Variants in MAD1L1 observed in about 807,000 individuals in gnomAD.
The protein encoded by MAD1L1 is mitotic spindle assembly checkpoint protein MAD1.
Under a neutral mutation model 96.9 loss-of-function variants are expected in MAD1L1, and 95 were observed. That is an observed-to-expected ratio of 0.98 (90% CI 0.83 to 1.16). The LOEUF is 1.16. MAD1L1 is among the 50% of genes most tolerant of loss of function. MAD1L1 has a pLI of 0.00. For missense variants in MAD1L1, 1,007 were observed against 954.4 expected (o/e 1.06, Z -0.73); for synonymous variants, 473 against 396.6 (o/e 1.19, Z -2.29).
chr7:1,840,601 C>G (rs965985081), intron 18 of MAD1L1, among the ~76,000 whole-genome samples: 1 of 152,160 alleles, frequency 6.6e-6, no homozygotes, highest in Admixed American at 6.5e-5. Flanking sequence ...TGGTGGCGGG[C>G]GCCTGTAATC....
intron 14 of MAD1L1, among the ~76,000 whole-genome samples, chr7:1,982,781 T>C (rs1362591528): frequency 6.6e-6 from 1 of 152,236 alleles, no homozygotes; most frequent in African/African-American, 2.4e-5. Context: ...AGGTGGCCTG[T>C]GGCTTCACTG....
At chr7:1,827,084 C>G (rs533279445) in intron 18 of MAD1L1, among the ~76,000 whole-genome samples, 41 of 152,370 alleles carry the variant, frequency 2.7e-4, no homozygotes, top group African/African-American at 9.9e-4. Context: ...GGGGCGCCGG[C>G]TCGGGGTGGG....
chr7:2,043,587 G>C (rs2128512436), intron 12 of MAD1L1, among the ~76,000 whole-genome samples: 1 of 152,338 alleles, frequency 6.6e-6, no homozygotes, highest in African/African-American at 2.4e-5. Flanking sequence ...GCTGGGTCAT[G>C]ACTGTTCTCT....
chr7:2,102,162 A>C (rs1039680355), intron 11 of MAD1L1, among the ~76,000 whole-genome samples: 1 of 151,830 alleles, frequency 6.6e-6, no homozygotes, highest in Non-Finnish European at 1.5e-5. Flanking sequence ...CACCATCATC[A>C]CCAACACTGC....
rs541699293 is a variant in MAD1L1, at chr7:2,222,256, T to C, written c.471+319A>G. ...CACCACGCATGGCTAATTTTTGTATTTTTAGTAGAGATGGGGTTTCACCAT... is the reference window on the plus strand; with the variant it reads ...CACCACGCATGGCTAATTTTTGTATCTTTAGTAGAGATGGGGTTTCACCAT... On this transcript the variant is annotated intron_variant, in intron 5 of 18. Coordinates refer to ENST00000265854, the MANE Select transcript of MAD1L1 (RefSeq NM_001013836.2). Among the ~76,000 whole-genome samples, 266 of 152,110 alleles carry C rather than the reference T, an allele frequency of 1.7e-3. 2 individuals are homozygous for C. Among genetic ancestry groups the C allele is most frequent in the Middle Eastern group, 3.4e-3 (1 of 294 alleles).
chr7:1,917,518 G>C (rs911565719), intron 17 of MAD1L1, among the ~76,000 whole-genome samples: 1 of 152,234 alleles, frequency 6.6e-6, no homozygotes. Flanking sequence ...AGCGCCTGTT[G>C]GATGTGTCAG....
intron 10 of MAD1L1, among the ~76,000 whole-genome samples, chr7:2,149,570 G>C (rs992236715): frequency 1.3e-5 from 2 of 152,164 alleles, no homozygotes; most frequent in Non-Finnish European, 2.9e-5. Flanking sequence ...TGGCACAGGG[G>C]AGGTGCTCAG....
At chr7:2,198,844 C>T (rs79534877) in intron 10 of MAD1L1, among the ~76,000 whole-genome samples, 7,019 of 152,308 alleles carry the variant, frequency 0.046, 565 homozygotes, top group African/African-American at 0.16. Flanking sequence ...AGGAACCAGG[C>T]CCCTGCCCTT....
intron 14 of MAD1L1, among the ~76,000 whole-genome samples, chr7:1,998,289 G>A (rs1253442064): frequency 6.6e-6 from 1 of 152,186 alleles, no homozygotes. Flanking sequence ...AAAACCACCT[G>A]CAGCCAGACA....
chr7:1,953,191 C>T (rs775783307), intron 16 of MAD1L1, among the ~76,000 whole-genome samples: 1 of 152,194 alleles, frequency 6.6e-6, no homozygotes, highest in Non-Finnish European at 1.5e-5. Flanking sequence ...GGTACCGCAC[C>T]ACCTGCCTGC....
At chr7:2,058,658 G>A (rs1475460934) in intron 12 of MAD1L1, among the ~76,000 whole-genome samples, 1 of 111,540 alleles carries the variant, frequency 9.0e-6, no homozygotes, top group East Asian at 3.0e-4. Flanking sequence ...GAGAGGGAGT[G>A]TGGCCAGAGG....
intron 12 of MAD1L1, among the ~76,000 whole-genome samples, chr7:2,051,707 C>A (rs1439597961): frequency 7.0e-6 from 1 of 142,238 alleles, no homozygotes; most frequent in Non-Finnish European, 1.5e-5. Flanking sequence ...CCCAACCCCC[C>A]ACCAGCTGCG....
chr7:1,944,609 G>A (rs1375437225), intron 16 of MAD1L1, among the ~76,000 whole-genome samples: 1 of 152,186 alleles, frequency 6.6e-6, no homozygotes, highest in African/African-American at 2.4e-5. Flanking sequence ...GTCCTTACTT[G>A]TATCCTGCTT....
chr7:1,918,977 G>T lies in MAD1L1; in HGVS notation c.1807+17710C>A, dbSNP rs552200456. The stretch of plus-strand genomic sequence containing the variant: ...CTTCCAACACCCGTCCTGTCTCTGG[G>T]TCACCCCAGGCTCTGGCGGCTCTTG... On this transcript the variant is annotated intron_variant, in intron 17 of 18. Coordinates refer to ENST00000265854, the MANE Select transcript of MAD1L1 (RefSeq NM_001013836.2). Among the ~76,000 whole-genome samples the T allele has an allele frequency of 7.4e-4, 112 of 152,354 alleles. 1 individual carries two copies. The highest frequency in any genetic ancestry group is 3.4e-3 in the Middle Eastern group (1 of 294).
At chr7:2,094,922 G>C (rs921508250) in intron 11 of MAD1L1, among the ~76,000 whole-genome samples, 1 of 152,170 alleles carries the variant, frequency 6.6e-6, no homozygotes, top group East Asian at 1.9e-4. Context: ...TGGTGATGCC[G>C]TGTTCATGGA....
chr7:1,961,263 A>C (rs1156769855), intron 15 of MAD1L1, among the ~76,000 whole-genome samples: 1 of 152,216 alleles, frequency 6.6e-6, no homozygotes, highest in Non-Finnish European at 1.5e-5. Context: ...TCTAAAATTC[A>C]TATGGAGATG....
intron 17 of MAD1L1, among the ~76,000 whole-genome samples, chr7:1,911,452 G>C (rs761521268): frequency 6.6e-6 from 1 of 152,176 alleles, no homozygotes; most frequent in Non-Finnish European, 1.5e-5. Context: ...ACAGTCACTC[G>C]TGTGCAGCCC....
intron 11 of MAD1L1, chr7:2,080,120 G>T (rs957658736): frequency 2.1e-5 from 4 of 192,468 alleles, no homozygotes; most frequent in African/African-American, 7.2e-5. Context: ...CCAGCCTCGA[G>T]GCTGGGGGCT....
rs371390492 is a variant in MAD1L1, at chr7:2,197,547, C to G, written c.986+15665G>C. 2.6e-4 allele frequency among the ~76,000 whole-genome samples: 40 copies of G among 152,316 alleles called. No homozygotes were observed. The East Asian group carries it at 6.8e-3, about 26-fold the overall frequency. The stretch of plus-strand genomic sequence containing the variant: ...GCACTGCACAGCCACCTTCTCCCTG[C>G]ACACGGGCCCAAGCTCGGACACAGG... On this transcript the variant is annotated intron_variant, in intron 10 of 18. Coordinates refer to ENST00000265854, the MANE Select transcript of MAD1L1 (RefSeq NM_001013836.2).
Sources: allele counts gnomAD v4.1 joint callset (sites outside exome capture counted in the v4.1 genomes callset), GRCh38; gene constraint gnomAD v4.1.1; transcripts MANE v1.5; gene names NCBI Gene and HGNC (gene_info 2026-07-23, HGNC 2026-07-21).